The following DLGAP5 variants were observed in gnomAD, a reference collection of about 807,000 sequenced individuals.
The protein encoded by DLGAP5 is disks large-associated protein 5.
Under a neutral mutation model 99.6 loss-of-function variants are expected in DLGAP5, and 90 were observed. The ratio of observed to expected loss-of-function variants is 0.90; its 90% CI spans 0.76 to 1.08. The LOEUF (loss-of-function observed/expected upper bound fraction) is 1.08. Among genes scored for constraint, DLGAP5 ranks in the 50% least tolerant of loss-of-function variants. The pLI is 0.00. For synonymous variants in DLGAP5, 311 were observed against 321.3 expected (o/e 0.97, Z 0.34); for missense variants, 1,036 against 983.5 (o/e 1.05, Z -0.71).
In DLGAP5 at chr14:55,183,646, C is replaced by T. The variant is rs138039049; in HGVS notation, c.346G>A (p.Gly116Arg). The T allele has an allele frequency of 6.2e-5, 100 of 1,612,050 alleles. No homozygotes were observed. In the African/African-American group the frequency reaches 1.0e-3, roughly 17 times the overall value. ...LKEQREKAKR[G>R]IFKVGRYRPD... is the part of the protein sequence containing the mutation. ...CTATAACGACCCACTTTAAATATTCCTCGTTTAGCTTTCTCTCTCTGCTCT... is the reference window on the plus strand; with the variant it reads ...CTATAACGACCCACTTTAAATATTCTTCGTTTAGCTTTCTCTCTCTGCTCT... The change falls in exon 3 of 19, where the codon GGA becomes AGA. Residue 116 changes from glycine (G) to arginine (R), a missense_variant. Gly to Arg is a moderately radical substitution (Grantham distance 125). Transcript: ENST00000247191.
chr14:55,189,136 C>T lies in DLGAP5; in HGVS notation c.44G>A (p.Ser15Asn). ...HFASRHRKDI[S>N]TEMIRTKIAH... Reference sequence around the variant, plus strand: ...AATTTTAGTTCTAATCATTTCAGTACTTATATCCTTCCTGTGTCGACTGGC... The same window carrying T: ...AATTTTAGTTCTAATCATTTCAGTATTTATATCCTTCCTGTGTCGACTGGC... The change falls in exon 2 of 19, where the codon AGT becomes AAT. Residue 15 changes from serine (S) to asparagine (N), a missense_variant. Transcript: ENST00000247191. 6.2e-7 allele frequency: 1 copy of T among 1,613,742 alleles called. No individual in the cohort carries two copies. Among genetic ancestry groups the T allele is most frequent in the Non-Finnish European group, 8.5e-7 (1 of 1,179,902 alleles).
chr14:55,164,727 GCCCGGC>G (rs2140313125), intron 12 of DLGAP5, among the ~76,000 whole-genome samples: 1 of 152,080 alleles, frequency 6.6e-6, no homozygotes, highest in East Asian at 1.9e-4. Flanking sequence ...TTCAAGACCA[GCCCGGC>G]CAACGTAGTG....
chr14:55,169,917 C>T (rs1882795242), intron 11 of DLGAP5, among the ~76,000 whole-genome samples: 1 of 152,068 alleles, frequency 6.6e-6, no homozygotes, highest in Non-Finnish European at 1.5e-5. Flanking sequence ...GGCGGCTCAC[C>T]TGAGGTCAGG....
chr14:55,156,664 G>C (rs370165836), intron 14 of DLGAP5, among the ~76,000 whole-genome samples: 24 of 152,304 alleles, frequency 1.6e-4, no homozygotes, highest in African/African-American at 5.8e-4. Context: ...CAGGCAGTGA[G>C]AGATCACCAG....
In DLGAP5 at chr14:55,183,573, G is replaced by A. The variant is rs762251168; in HGVS notation, c.419C>T (p.Ala140Val). 6.4e-7 allele frequency: 1 copy of A among 1,555,564 alleles called. No individual in the cohort carries two copies. Among genetic ancestry groups the A allele is most frequent in the African/African-American group, 1.4e-5 (1 of 71,320 alleles). ...CACTAAATTTACCTTTTTTGGCTCA[G>A]CTTTCACAGCATTCTGGTTTGATAA... Reference protein sequence around the residue: ...FLLSNQNAVKAEPKKAIPSSV... With the variant: ...FLLSNQNAVKVEPKKAIPSSV... Residue 140 changes from alanine to valine, a missense_variant, in exon 3 of 19, where the codon GCT becomes GTT. Physicochemically the swap from Ala to Val is moderately conservative, Grantham distance 64. Coordinates refer to ENST00000247191, the MANE Select transcript of DLGAP5 (RefSeq NM_014750.5).
At chr14:55,170,474 A>C (rs1267550434) in intron 11 of DLGAP5, among the ~76,000 whole-genome samples, 2 of 152,218 alleles carry the variant, frequency 1.3e-5, no homozygotes, top group Admixed American at 1.3e-4. Flanking sequence ...AATTACTTAC[A>C]TCTTTTAAGT....
chr14:55,160,422 A>G (rs1398151427), intron 13 of DLGAP5, among the ~76,000 whole-genome samples: 1 of 151,284 alleles, frequency 6.6e-6, no homozygotes, highest in African/African-American at 2.4e-5. Context: ...GACCATATTT[A>G]ATACTGCAGA....
chr14:55,165,368 T>G (rs2140313659), intron 12 of DLGAP5, among the ~76,000 whole-genome samples: 1 of 151,678 alleles, frequency 6.6e-6, no homozygotes, highest in Non-Finnish European at 1.5e-5. Context: ...CAAAAAAATA[T>G]AAAAATTAGC....
chr14:55,157,235 C>A (rs2140307442), intron 14 of DLGAP5, among the ~76,000 whole-genome samples: 1 of 152,252 alleles, frequency 6.6e-6, no homozygotes, highest in East Asian at 1.9e-4. Context: ...ATCTCCCTAT[C>A]TATAAGGACT....
chr14:55,177,172 C>G lies in DLGAP5; in HGVS notation c.939G>C (p.Met313Ile), dbSNP rs1452311986. 1 of 1,612,606 alleles carries G rather than the reference C, an allele frequency of 6.2e-7. No individual in the cohort carries two copies. Reference protein sequence around the residue: ...GKNSFAPKDFMFQPLDGLKTY... With the variant: ...GKNSFAPKDFIFQPLDGLKTY... ...TCTTCAGACCATCCAGTGGCTGAAACATAAAATCCTTAGGTGCAAAGGAAT... is the reference window on the plus strand; with the variant it reads ...TCTTCAGACCATCCAGTGGCTGAAAGATAAAATCCTTAGGTGCAAAGGAAT... Residue 313 changes from methionine to isoleucine, a missense_variant, in exon 8 of 19, where the codon ATG becomes ATC. By Grantham distance (10) the Met-to-Ile change is conservative. Transcript: ENST00000247191.
chr14:55,168,239 C>A (rs937114726), intron 12 of DLGAP5, among the ~76,000 whole-genome samples: 1 of 152,172 alleles, frequency 6.6e-6, no homozygotes, highest in African/African-American at 2.4e-5. Context: ...AGGCTTGAGC[C>A]ACTGTGCCTG....
chr14:55,183,484 G>A, intron 3 of DLGAP5, 76 bp downstream of exon 3: 1 of 1,235,722 alleles, frequency 8.1e-7, no homozygotes, highest in Non-Finnish European at 1.1e-6. Flanking sequence ...TAAGGGAAAG[G>A]GGTTAGTCAC....
rs1882032373 is a variant in DLGAP5, at chr14:55,151,884, G to A, written c.2179C>T (p.Pro727Ser). The change falls in exon 17 of 19, where the codon CCT becomes TCT. Residue 727 changes from proline (P) to serine (S), a missense_variant. Physicochemically the swap from Pro to Ser is moderately conservative, Grantham distance 74. Coordinates refer to ENST00000247191, the MANE Select transcript of DLGAP5 (RefSeq NM_014750.5). ...TCTGCTACTCCACCAGCAAGAAGAG[G>A]CAAACTCATTCTCTCACTGGATAAA... ...DCLSSERMSL[P>S]LLAGGVADDI... 4.3e-6 allele frequency: 7 copies of A among 1,613,876 alleles called. No homozygotes were observed. Among genetic ancestry groups the A allele is most frequent in the Non-Finnish European group, 5.1e-6 (6 of 1,179,902 alleles).
rs1883042977 is a variant in DLGAP5, at chr14:55,175,870, GAATAAATT to G, written c.1174+16_1174+23del. ...TTGTATTAACATTATTCTAAAAAATGAATAAATTAATTAAATACTATACCTTCATGCCA... is the reference window on the plus strand; with the variant it reads ...TTGTATTAACATTATTCTAAAAAATGAATTAAATACTATACCTTCATGCCA... On this transcript the variant is annotated intron_variant, in intron 9 of 18. Coordinates refer to ENST00000247191, the MANE Select transcript of DLGAP5 (RefSeq NM_014750.5). 6.6e-7 allele frequency: 1 copy of G among 1,519,698 alleles called. No individual in the cohort carries two copies. The highest frequency in any genetic ancestry group is 8.8e-7 in the Non-Finnish European group (1 of 1,133,994). The allele number at this position is 1,519,698 out of a possible 1,614,324, so 94.1% of individuals were successfully genotyped here.
intron 2 of DLGAP5, among the ~76,000 whole-genome samples, chr14:55,185,106 C>G (rs970455949): frequency 1.3e-5 from 2 of 152,162 alleles, no homozygotes; most frequent in Admixed American, 6.5e-5. Context: ...GGTAATTTCT[C>G]CCAACCTACA....
intron 16 of DLGAP5, 87 bp from the exon 17 acceptor site, chr14:55,152,028 A>C (rs2140303298): frequency 1.5e-6 from 2 of 1,303,322 alleles, no homozygotes; most frequent in East Asian, 4.9e-5. Context: ...AAATACAAGA[A>C]AAACAGAAGG....
chr14:55,149,821 G>T (rs996123903), intron 18 of DLGAP5, among the ~76,000 whole-genome samples: 1 of 136,430 alleles, frequency 7.3e-6, no homozygotes, highest in Non-Finnish European at 1.6e-5. Flanking sequence ...GGGGCGGGGG[G>T]GGGGCATCAC....
At position 55,179,727 on chromosome 14, in the gene DLGAP5, A is replaced by C. The variant is rs760851354; in HGVS notation, c.704-28T>G. 10 of 1,568,388 alleles carry C rather than the reference A, an allele frequency of 6.4e-6. No homozygotes were observed. In the African/African-American group the frequency reaches 1.4e-4, roughly 21 times the overall value. ...AAAACAACAATAAAATATTTATTTTACTAGATAGAAATGCTACATGAAAAT... is the reference window on the plus strand; with the variant it reads ...AAAACAACAATAAAATATTTATTTTCCTAGATAGAAATGCTACATGAAAAT... On this transcript the variant is annotated intron_variant, in intron 6 of 18. Transcript: ENST00000247191.
At position 55,169,518 on chromosome 14, in the gene DLGAP5, G is replaced by T; in HGVS notation, c.1429C>A (p.Leu477Ile). The change falls in exon 12 of 19, where the codon CTT becomes ATT. Residue 477 changes from leucine to isoleucine, a missense_variant. Physicochemically the swap from Leu to Ile is conservative, Grantham distance 5 (BLOSUM62 2). Coordinates refer to ENST00000247191, the MANE Select transcript of DLGAP5 (RefSeq NM_014750.5). The stretch of plus-strand genomic sequence containing the variant: ...AACTGTTTAAACCTTTCCTTCATAA[G>T]GAGTCTTGTTTGACCAACTGCTGTG... Reference protein sequence around the residue: ...IRTAVGQTRLLMKERFKQFEG... With the variant: ...IRTAVGQTRLIMKERFKQFEG... 1 of 1,605,128 alleles carries T rather than the reference G, an allele frequency of 6.2e-7. No individual in the cohort carries two copies. The highest frequency in any genetic ancestry group is 1.1e-5 in the South Asian group (1 of 88,578).
Sources: allele counts gnomAD v4.1 joint callset (sites outside exome capture counted in the v4.1 genomes callset), GRCh38; gene constraint gnomAD v4.1.1; transcripts MANE v1.5; gene names NCBI Gene and HGNC (gene_info 2026-07-23, HGNC 2026-07-21).